IL16: variants seen among roughly 807,000 people sequenced by gnomAD.
IL16 encodes the protein interleukin 16, also known as pro-interleukin-16.
In IL16, 67 loss-of-function variants were observed where a neutral mutation model predicts 110.1. The ratio of observed to expected loss-of-function variants is 0.61; its 90% confidence interval spans 0.50 to 0.75. The LOEUF (loss-of-function observed/expected upper bound fraction) is 0.75, where lower values mean the gene tolerates loss of function less well. IL16 is among the 30% of genes least tolerant of loss of function. IL16 has a pLI of 0.00. For synonymous variants in IL16, 689 were observed against 662.9 expected, an observed-to-expected ratio of 1.04 and a Z score of -0.61; for missense variants, 1,545 against 1,655.0, an observed-to-expected ratio of 0.93 and a Z score of 1.15.
At chr15:81,306,325 C>A in intron 17 of IL16, 95 bp from the exon 18 acceptor site, 6 of 1,559,266 alleles carry the variant, frequency 3.8e-6, no homozygotes, top group South Asian at 2.4e-5. Flanking sequence ...TGTGCAAACA[C>A]GGGGGCTGTA....
At chr15:81,254,410 GT>G (rs1897875378) in intron 2 of IL16, among the ~76,000 whole-genome samples, 1 of 152,050 alleles carries the variant, frequency 6.6e-6, no homozygotes, top group African/African-American at 2.4e-5. Flanking sequence ...GTTTGTTTTT[GT>G]TTTTTTCCCC....
intron 2 of IL16, among the ~76,000 whole-genome samples, chr15:81,250,725 A>G (rs1000255849): frequency 2.6e-5 from 4 of 152,024 alleles, no homozygotes; most frequent in African/African-American, 7.3e-5. Flanking sequence ...AGGGTTGCCA[A>G]CTCTTGAAAA....
chr15:81,290,015 C>A, intron 10 of IL16: 1 of 383,942 alleles, frequency 2.6e-6, no homozygotes, highest in African/African-American at 2.1e-5. Flanking sequence ...GACTCATACT[C>A]TTAACTATTA....
At chr15:81,264,359 C>T (rs1898282988) in intron 3 of IL16, among the ~76,000 whole-genome samples, 1 of 152,202 alleles carries the variant, frequency 6.6e-6, no homozygotes, top group South Asian at 2.1e-4. Context: ...AAACCTCTCC[C>T]TTCTTCACCT....
intron 1 of IL16, among the ~76,000 whole-genome samples, chr15:81,214,540 T>C (rs1896357220): frequency 7.0e-6 from 1 of 141,972 alleles, no homozygotes; most frequent in East Asian, 2.2e-4. Flanking sequence ...TACTCTCTAA[T>C]TGCCTTTAAG....
chr15:81,218,471 T>C (rs542943043), intron 1 of IL16, among the ~76,000 whole-genome samples: 1 of 152,272 alleles, frequency 6.6e-6, no homozygotes, highest in East Asian at 1.9e-4. Flanking sequence ...CACCAGACAT[T>C]TTAGAACCTG....
chr15:81,241,821 A>G (rs1414113251), intron 2 of IL16, among the ~76,000 whole-genome samples: 1 of 151,964 alleles, frequency 6.6e-6, no homozygotes, highest in Non-Finnish European at 1.5e-5. Flanking sequence ...TTACCTTTAT[A>G]TAGCCACAGT....
rs71718505 is a variant in IL16, at chr15:81,222,745, G to GACACACACAC, written c.-101-2536_-101-2527dup. Among the ~76,000 whole-genome samples, 420 of 148,372 alleles carry GACACACACAC rather than the reference G, an allele frequency of 2.8e-3. 2 individuals carry two copies. Among genetic ancestry groups the GACACACACAC allele is most frequent in the Admixed American group, 4.0e-3 (60 of 14,840 alleles). On this transcript the variant is annotated intron_variant, in intron 1 of 18. Coordinates refer to ENST00000683961, the MANE Select transcript of IL16 (RefSeq NM_172217.5). ...TAGCTGTGACCAACACACACTCACA[G>GACACACACAC]ACACACACACACACACACACACACA...
rs141398299 is a variant in IL16 at position 81,308,689 on chromosome 15, G to A, written c.3890G>A (p.Arg1297Gln). 5.6e-6 allele frequency: 9 copies of A among 1,613,550 alleles called. No individual in the cohort carries two copies. The highest frequency in any genetic ancestry group is 1.3e-5 in the African/African-American group (1 of 74,916). Residue 1297 changes from arginine to glutamine, a missense_variant, in exon 19 of 19, where the codon CGG becomes CAG. By Grantham distance (43) the Arg-to-Gln change is conservative. Around this residue, in one of 3 missense-constraint regions of IL16, gnomAD observed 356 missense variants for 399.3 expected, o/e 0.89. Coordinates refer to ENST00000683961, the MANE Select transcript of IL16 (RefSeq NM_172217.5). Reference sequence around the variant, plus strand: ...GGCACTGCCATGCAGGGCCTCACACGGTTTGAAGCCTGGAACATCATCAAG... The same window carrying A: ...GGCACTGCCATGCAGGGCCTCACACAGTTTGAAGCCTGGAACATCATCAAG... ...LGGTAMQGLT[R>Q]FEAWNIIKAL...
At chr15:81,221,319 G>A (rs1054485398) in intron 1 of IL16, among the ~76,000 whole-genome samples, 3 of 152,178 alleles carry the variant, frequency 2.0e-5, no homozygotes, top group Admixed American at 6.6e-5. Context: ...AGGCTGTCTT[G>A]TGGAGGGCCC....
At chr15:81,308,580 C>T (rs750484500) in intron 18 of IL16, 25 bp from the exon 19 acceptor site, 35 of 1,560,972 alleles carry the variant, frequency 2.2e-5, no homozygotes, top group Non-Finnish European at 3.0e-5. Context: ...ATCTGTGGAA[C>T]CCATTACCTT....
intron 3 of IL16, among the ~76,000 whole-genome samples, chr15:81,260,477 T>C (rs1214641917): frequency 4.6e-5 from 7 of 152,210 alleles, no homozygotes; most frequent in African/African-American, 7.2e-5. Flanking sequence ...ATCCATGGTA[T>C]TTTATTATAT....
At position 81,265,765 on chromosome 15, in the gene IL16, C is replaced by A. The variant is rs746602067; in HGVS notation, c.528C>A (p.Leu176=). ...PYSLCSNRKS[L]SQQLDCPAGK... ...CTCTCTGCAGTAACAGGAAGTCCCTCTCTCAACAATTGGACTGTCCAGCAG... is the reference window on the plus strand; with the variant it reads ...CTCTCTGCAGTAACAGGAAGTCCCTATCTCAACAATTGGACTGTCCAGCAG... The change falls in exon 4 of 19, where the codon CTC becomes CTA. Residue 176 remains leucine, a synonymous_variant. Coordinates refer to ENST00000683961, the MANE Select transcript of IL16 (RefSeq NM_172217.5). 6.2e-7 allele frequency: 1 copy of A among 1,613,724 alleles called. No individual in the cohort carries two copies. The highest frequency in any genetic ancestry group is 8.5e-7 in the Non-Finnish European group (1 of 1,179,788).
At chr15:81,221,962 CA>C (rs1896631438) in intron 1 of IL16, among the ~76,000 whole-genome samples, 1 of 152,226 alleles carries the variant, frequency 6.6e-6, no homozygotes, top group Non-Finnish European at 1.5e-5. Flanking sequence ...ATGCTACATG[CA>C]GCCAACTATT....
At chr15:81,275,311 T>C (rs920758435) in intron 6 of IL16, among the ~76,000 whole-genome samples, 6 of 133,444 alleles carry the variant, frequency 4.5e-5, no homozygotes, top group Non-Finnish European at 7.8e-5. Flanking sequence ...TTGGGGAGCA[T>C]GGACATTAGA....
At position 81,269,640 on chromosome 15, in the gene IL16, C is replaced by A; in HGVS notation, c.667C>A (p.Gln223Lys). ...CTCCAACATCGTGCTGATGAAGGGC[C>A]AGGCTAAGGTGAGAAGGGATTGTGG... ...VISNIVLMKG[Q>K]AKGLGFSIVG... Residue 223 changes from glutamine (Q) to lysine (K), a missense_variant, in exon 5 of 19, where the codon CAG (glutamine) becomes AAG (lysine). Physicochemically the swap from Gln to Lys is moderately conservative, Grantham distance 53. This residue lies in a region of IL16 where 1,185 missense variants were observed against 1,238.8 expected (regional missense o/e 0.96). Coordinates refer to ENST00000683961, the MANE Select transcript of IL16 (RefSeq NM_172217.5). 6.2e-7 allele frequency: 1 copy of A among 1,611,400 alleles called. No individual in the cohort carries two copies. Among genetic ancestry groups the A allele is most frequent in the Non-Finnish European group, 8.5e-7 (1 of 1,177,740 alleles).
chr15:81,270,633 G>A (rs201645477), intron 5 of IL16, among the ~76,000 whole-genome samples: 1 of 152,198 alleles, frequency 6.6e-6, no homozygotes, highest in East Asian at 1.9e-4. Context: ...AGTAAATCAC[G>A]ATGCTTTTTC....
Position 81,201,674 on chromosome 15 carries a change from T to A in IL16, c.-102+4522T>A, listed in dbSNP as rs1047436890. On this transcript the variant is annotated intron_variant, in intron 1 of 18. Coordinates refer to ENST00000683961, the MANE Select transcript of IL16 (RefSeq NM_172217.5). ...TTAGCAATTTATTATATTGCCACTT[T>A]GTATTTTAATCTTTAATATTAAATT... 2.6e-5 allele frequency among the ~76,000 whole-genome samples: 4 copies of A among 152,354 alleles called. No individual in the cohort carries two copies. In the East Asian group the frequency reaches 7.7e-4, roughly 29 times the overall value.
rs535377377 is a variant in IL16 at position 81,297,706 on chromosome 15, A to G, written c.2053+628A>G. Among the ~76,000 whole-genome samples the G allele has an allele frequency of 2.6e-5, 4 of 152,312 alleles. No individual in the cohort carries two copies. The East Asian group carries it at 7.7e-4, about 29-fold the overall frequency. On this transcript the variant is annotated intron_variant, in intron 13 of 18. Transcript: ENST00000683961. ...TTCACTCATCAGCAATGTGTGGAAG[A>G]GCACGTAGACCCCAAGCATATGATG... is the stretch of plus-strand genomic sequence containing the variant.
Sources: allele counts gnomAD v4.1 joint callset (sites outside exome capture counted in the v4.1 genomes callset), GRCh38; gene constraint gnomAD v4.1.1; regional missense constraint gnomAD v4.1.1; transcripts MANE v1.5; gene names NCBI Gene and HGNC (gene_info 2026-07-23, HGNC 2026-07-21).